Variants in C8orf34 observed in about 807,000 individuals in gnomAD.
C8orf34 encodes the protein uncharacterized protein C8orf34.
In C8orf34, 65 loss-of-function variants were observed where a neutral mutation model predicts 68.3. The ratio of observed to expected loss-of-function variants is 0.95; its 90% confidence interval spans 0.78 to 1.17. The LOEUF (loss-of-function observed/expected upper bound fraction) is 1.17, where lower values mean the gene tolerates loss of function less well. Among genes scored for constraint, C8orf34 ranks in the 50% most tolerant of loss-of-function variants. C8orf34 has a pLI of 0.00. For synonymous variants in C8orf34, 244 were observed against 241.2 expected (o/e 1.01, Z -0.11); for missense variants, 664 against 655.4 (o/e 1.01, Z -0.14).
chr8:68,736,509 T>A (rs1200250002), intron 10 of C8orf34, among the ~76,000 whole-genome samples: 2 of 152,120 alleles, frequency 1.3e-5, no homozygotes, highest in African/African-American at 4.8e-5. Flanking sequence ...TACTTTACCC[T>A]TGTTTGATAT....
intron 8 of C8orf34, among the ~76,000 whole-genome samples, chr8:68,696,460 A>G (rs930758720): frequency 6.6e-6 from 1 of 151,152 alleles, no homozygotes; most frequent in Non-Finnish European, 1.5e-5. Flanking sequence ...TTTGTTCCTT[A>G]AACAACACAG....
At chr8:68,804,056 G>A (rs1824412421) in intron 12 of C8orf34, among the ~76,000 whole-genome samples, 1 of 152,142 alleles carries the variant, frequency 6.6e-6, no homozygotes, top group South Asian at 2.1e-4. Context: ...CATCTTCAAT[G>A]TATCTGCAGT....
At chr8:68,388,915 T>C (rs554800270) in intron 1 of C8orf34, among the ~76,000 whole-genome samples, 1 of 152,226 alleles carries the variant, frequency 6.6e-6, no homozygotes, top group Non-Finnish European at 1.5e-5. Context: ...CTAAGCTGAG[T>C]TTTACATGAG....
intron 8 of C8orf34, among the ~76,000 whole-genome samples, chr8:68,666,651 G>A (rs764247394): frequency 7.9e-5 from 12 of 152,118 alleles, no homozygotes; most frequent in Non-Finnish European, 1.5e-4. Flanking sequence ...ATAACAAATC[G>A]ACCCTCCTGC....
chr8:68,615,982 T>C (rs1334852973), intron 7 of C8orf34, among the ~76,000 whole-genome samples: 1 of 151,082 alleles, frequency 6.6e-6, no homozygotes, highest in Non-Finnish European at 1.5e-5. Flanking sequence ...GTTATTGGTC[T>C]ATTCAGAGAT....
intron 7 of C8orf34, among the ~76,000 whole-genome samples, chr8:68,566,684 A>T (rs1229286926): frequency 1.4e-5 from 2 of 148,070 alleles, no homozygotes; most frequent in African/African-American, 5.2e-5. Flanking sequence ...GGCTTCAGGG[A>T]ATGTTGTGAC....
At chr8:68,454,480 G>A (rs1444784090) in intron 3 of C8orf34, among the ~76,000 whole-genome samples, 1 of 151,888 alleles carries the variant, frequency 6.6e-6, no homozygotes, top group Non-Finnish European at 1.5e-5. Context: ...ATTTCCTCTT[G>A]AGTCAGTATT....
At chr8:68,605,266 C>G (rs141174939) in intron 7 of C8orf34, among the ~76,000 whole-genome samples, 2 of 152,170 alleles carry the variant, frequency 1.3e-5, no homozygotes, top group East Asian at 3.9e-4. Flanking sequence ...GGTAGGAATG[C>G]GAAATAGTAC....
chr8:68,356,616 G>C (rs1806758745), intron 1 of C8orf34, among the ~76,000 whole-genome samples: 1 of 152,074 alleles, frequency 6.6e-6, no homozygotes, highest in Admixed American at 6.6e-5. Context: ...TAATTTTTGA[G>C]AAATTTGCCA....
chr8:68,517,714 C>A (rs1003185681), intron 5 of C8orf34, among the ~76,000 whole-genome samples: 1 of 152,158 alleles, frequency 6.6e-6, no homozygotes, highest in Admixed American at 6.5e-5. Flanking sequence ...AACTCTAAAA[C>A]CTTTTTCACT....
chr8:68,530,226 T>A (rs1815185568), intron 6 of C8orf34, among the ~76,000 whole-genome samples: 1 of 152,058 alleles, frequency 6.6e-6, no homozygotes, highest in Non-Finnish European at 1.5e-5. Context: ...ACCACTGGAT[T>A]ATTAAATATA....
intron 1 of C8orf34, among the ~76,000 whole-genome samples, chr8:68,396,761 TC>T (rs1408635129): frequency 7.9e-4 from 106 of 134,072 alleles, no homozygotes; most frequent in African/African-American, 2.9e-3. Flanking sequence ...CTCCTCTCTC[TC>T]TCTCGCTTCC....
At chr8:68,354,963 G>T (rs752434548) in intron 1 of C8orf34, among the ~76,000 whole-genome samples, 4 of 151,526 alleles carry the variant, frequency 2.6e-5, no homozygotes, top group Non-Finnish European at 5.9e-5. Flanking sequence ...ATTGACTTGT[G>T]TATGCTTTCA....
intron 8 of C8orf34, among the ~76,000 whole-genome samples, chr8:68,704,350 C>G (rs903210671): frequency 1.3e-5 from 2 of 152,040 alleles, no homozygotes; most frequent in Non-Finnish European, 2.9e-5. Flanking sequence ...TAGATATATT[C>G]TGCCAGAGGT....
chr8:68,757,993 C>A (rs1209145511), intron 10 of C8orf34, among the ~76,000 whole-genome samples: 2 of 152,210 alleles, frequency 1.3e-5, no homozygotes, highest in Admixed American at 6.5e-5. Context: ...TCCAGATTCT[C>A]CTGGATTCTT....
chr8:68,705,979 T>C (rs1482030342), intron 8 of C8orf34, among the ~76,000 whole-genome samples: 4 of 151,834 alleles, frequency 2.6e-5, no homozygotes, highest in African/African-American at 9.7e-5. Context: ...ATTCTGGAGG[T>C]GGTGTGTGAG....
At chr8:68,733,258 A>G (rs1196628428) in intron 10 of C8orf34, among the ~76,000 whole-genome samples, 5 of 152,182 alleles carry the variant, frequency 3.3e-5, no homozygotes, top group Admixed American at 3.3e-4. Flanking sequence ...GTAATTATTA[A>G]CCAACTTATA....
intron 1 of C8orf34, among the ~76,000 whole-genome samples, chr8:68,403,212 G>T (rs1809035237): frequency 1.3e-5 from 2 of 152,116 alleles, no homozygotes; most frequent in African/African-American, 4.8e-5. Context: ...TGGAAGGCAG[G>T]GGTGCCTGAG....
intron 2 of C8orf34, among the ~76,000 whole-genome samples, chr8:68,445,865 C>G (rs1811098915): frequency 6.6e-6 from 1 of 152,202 alleles, no homozygotes; most frequent in South Asian, 2.1e-4. Flanking sequence ...TCTCGGCTCA[C>G]TGCAACTTCT....
Sources: gnomAD v4.1 joint callset for allele counts (sites outside exome capture counted in the v4.1 genomes callset) on GRCh38, gnomAD v4.1.1 for gene constraint, MANE v1.5 for transcripts, NCBI Gene and HGNC (gene_info 2026-07-23, HGNC 2026-07-21) for gene names.